ANKS1B: variants seen among roughly 807,000 people sequenced by gnomAD.
ANKS1B encodes ankyrin repeat and sterile alpha motif domain containing 1B.
In ANKS1B, 36 loss-of-function variants were observed where a neutral mutation model predicts 148.3. The ratio of observed to expected loss-of-function variants is 0.24; its 90% confidence interval spans 0.19 to 0.32. The LOEUF is 0.32. Ranked by LOEUF, ANKS1B falls within the 10% of genes least tolerant of loss-of-function variation. The pLI is 1.00. For synonymous variants in ANKS1B, 542 were observed against 560.8 expected, an observed-to-expected ratio of 0.97 and a Z score of 0.47; for missense variants, 1,157 against 1,542.6, an observed-to-expected ratio of 0.75 and a Z score of 4.19.
At chr12:99,594,551 T>C (rs1279654332) in intron 9 of ANKS1B, among the ~76,000 whole-genome samples, 2 of 151,938 alleles carry the variant, frequency 1.3e-5, no homozygotes, top group Admixed American at 6.6e-5. Flanking sequence ...TAAAAAGAAG[T>C]AAATCCTGCA....
intron 5 of ANKS1B, among the ~76,000 whole-genome samples, chr12:99,781,063 CA>C (rs35901124): frequency 1.6e-3 from 192 of 120,168 alleles, no homozygotes; most frequent in East Asian, 3.4e-3. Flanking sequence ...CACATAATTG[CA>C]AAAAAAAAAA....
At chr12:99,153,669 C>T (rs1267458173) in intron 15 of ANKS1B, among the ~76,000 whole-genome samples, 2 of 152,280 alleles carry the variant, frequency 1.3e-5, no homozygotes, top group East Asian at 1.9e-4. Context: ...TAAATATTGA[C>T]AGCTAAATGA....
intron 12 of ANKS1B, among the ~76,000 whole-genome samples, chr12:99,266,532 A>G (rs1033262170): frequency 1.3e-5 from 2 of 152,142 alleles, no homozygotes; most frequent in Non-Finnish European, 2.9e-5. Flanking sequence ...CTGACTCTAG[A>G]GGTTGTGCTC....
intron 24 of ANKS1B, among the ~76,000 whole-genome samples, chr12:98,776,172 T>A (rs2098672277): frequency 6.6e-6 from 1 of 152,188 alleles, no homozygotes; most frequent in African/African-American, 2.4e-5. Context: ...GAATCAAAGG[T>A]CAAGGATACT....
chr12:99,749,609 G>T (rs528226563), intron 8 of ANKS1B, among the ~76,000 whole-genome samples: 137 of 152,128 alleles, frequency 9.0e-4, no homozygotes, highest in African/African-American at 3.2e-3. Flanking sequence ...CACTGAACTG[G>T]TATATTCTAA....
intron 15 of ANKS1B, among the ~76,000 whole-genome samples, chr12:99,096,013 A>G (rs2055962757): frequency 1.3e-5 from 2 of 152,238 alleles, no homozygotes; most frequent in African/African-American, 4.8e-5. Flanking sequence ...ATTGAAGATG[A>G]CAGGTGTCCA....
intron 19 of ANKS1B, 112 bp from the exon 20 acceptor site, chr12:98,808,030 T>A (rs575766396): frequency 5.2e-5 from 42 of 809,934 alleles, no homozygotes; most frequent in South Asian, 3.1e-4. Flanking sequence ...GAATCACATT[T>A]AAAAAAAACT....
intron 15 of ANKS1B, among the ~76,000 whole-genome samples, chr12:99,096,853 T>G (rs1247131782): frequency 6.6e-6 from 1 of 152,190 alleles, no homozygotes; most frequent in African/African-American, 2.4e-5. Flanking sequence ...TTCCAGAATA[T>G]TCAACTGGTA....
intron 17 of ANKS1B, among the ~76,000 whole-genome samples, chr12:98,963,000 T>C (rs897063584): frequency 6.7e-6 from 1 of 150,166 alleles, no homozygotes; most frequent in Admixed American, 6.6e-5. Flanking sequence ...AGAAGAAAAA[T>C]TTCAAATAAA....
chr12:98,903,230 C>T (rs1369654384), intron 17 of ANKS1B, among the ~76,000 whole-genome samples: 2 of 152,014 alleles, frequency 1.3e-5, no homozygotes, highest in Admixed American at 6.6e-5. Flanking sequence ...GCTCAACACC[C>T]GGTGCTCTAT....
At chr12:99,747,365 C>T (rs1293169801) in intron 8 of ANKS1B, among the ~76,000 whole-genome samples, 1 of 152,004 alleles carries the variant, frequency 6.6e-6, no homozygotes, top group Non-Finnish European at 1.5e-5. Context: ...AACCTATAGC[C>T]ACCAAGTCTT....
At chr12:98,749,347 T>C (rs909070280) in intron 26 of ANKS1B, among the ~76,000 whole-genome samples, 2 of 152,040 alleles carry the variant, frequency 1.3e-5, no homozygotes, top group African/African-American at 4.8e-5. Context: ...GACCTCGTGA[T>C]CTGCCCGCTT....
At chr12:99,174,859 T>C (rs924862435) in intron 14 of ANKS1B, among the ~76,000 whole-genome samples, 3 of 152,202 alleles carry the variant, frequency 2.0e-5, no homozygotes, top group African/African-American at 4.8e-5. Context: ...TACTACATCA[T>C]GAAATAGTCA....
chr12:98,886,784 T>A (rs1456975269), intron 17 of ANKS1B, among the ~76,000 whole-genome samples: 1 of 152,112 alleles, frequency 6.6e-6, no homozygotes, highest in Non-Finnish European at 1.5e-5. Context: ...AATGAAGTAA[T>A]AGCTGCAAAA....
intron 9 of ANKS1B, among the ~76,000 whole-genome samples, chr12:99,530,941 C>T (rs1022903783): frequency 6.6e-6 from 1 of 152,194 alleles, no homozygotes; most frequent in African/African-American, 2.4e-5. Flanking sequence ...ACCCTCTCTT[C>T]CCATATGCCT....
At chr12:99,426,604 AT>A (rs1270258517) in intron 11 of ANKS1B, among the ~76,000 whole-genome samples, 1 of 152,138 alleles carries the variant, frequency 6.6e-6, no homozygotes, top group African/African-American at 2.4e-5. Context: ...GTAAGAGATT[AT>A]TTGCAATTTC....
At chr12:99,242,149 A>G (rs927228515) in intron 14 of ANKS1B, among the ~76,000 whole-genome samples, 1 of 152,208 alleles carries the variant, frequency 6.6e-6, no homozygotes, top group Non-Finnish European at 1.5e-5. Context: ...AAACCCAATC[A>G]TTTTAGCCCA....
intron 11 of ANKS1B, among the ~76,000 whole-genome samples, chr12:99,436,720 T>C (rs373425666): frequency 5.3e-5 from 8 of 152,040 alleles, no homozygotes; most frequent in Non-Finnish European, 7.4e-5. Context: ...TCATTAATCA[T>C]ACACAGGTCC....
At chr12:99,435,656 G>C (rs1469636821) in intron 11 of ANKS1B, among the ~76,000 whole-genome samples, 2 of 151,976 alleles carry the variant, frequency 1.3e-5, no homozygotes, top group East Asian at 3.9e-4. Context: ...TTCTCACTTT[G>C]CTGAAAAACT....
Sources: allele counts gnomAD v4.1 joint callset (sites outside exome capture counted in the v4.1 genomes callset), GRCh38; gene constraint gnomAD v4.1.1; transcripts MANE v1.5; gene names NCBI Gene and HGNC (gene_info 2026-07-23, HGNC 2026-07-21).